Variants in ALDH1L1 observed in about 807,000 individuals in gnomAD.
ALDH1L1 encodes cytosolic 10-formyltetrahydrofolate dehydrogenase.
ALDH1L1 carries 68 observed loss-of-function variants against 101.1 expected under a neutral mutation model. The observed-to-expected ratio is 0.67, with a 90% CI of 0.55 to 0.82. ALDH1L1 has a LOEUF of 0.82. ALDH1L1 is among the 40% of genes least tolerant of loss of function. The probability of loss-of-function intolerance (pLI) is 0.00; values close to 1 mark genes in which losing one functional copy is unlikely to be tolerated. For synonymous variants in ALDH1L1, 486 were observed against 470.8 expected (o/e 1.03, Z -0.42); for missense variants, 1,087 against 1,172.7 (o/e 0.93, Z 1.07).
intron 16 of ALDH1L1, among the ~76,000 whole-genome samples, chr3:126,121,184 G>T (rs1200385429): frequency 3.9e-5 from 6 of 152,210 alleles, no homozygotes; most frequent in Admixed American, 3.9e-4. Context: ...AGGAGGCAAA[G>T]AATTAGTCTT....
intron 1 of ALDH1L1, 102 bp downstream of exon 1, chr3:126,180,374 C>A: frequency 3.4e-6 from 3 of 883,762 alleles, no homozygotes; most frequent in Non-Finnish European, 4.1e-6. Flanking sequence ...CGGTGAGAAC[C>A]GAGTCCTGGA....
intron 1 of ALDH1L1, among the ~76,000 whole-genome samples, chr3:126,164,252 G>T (rs376425867): frequency 6.6e-6 from 1 of 152,184 alleles, no homozygotes; most frequent in Non-Finnish European, 1.5e-5. Context: ...TCAGGTTTTG[G>T]TGTAGCTTTC....
intron 7 of ALDH1L1, chr3:126,151,599 A>G (rs1364343207): frequency 4.6e-5 from 7 of 152,236 alleles, no homozygotes; most frequent in Admixed American, 6.5e-5. Flanking sequence ...GTACAAAAAG[A>G]GTTATGGATA....
Position 126,157,404 on chromosome 3 carries a change from G to C in ALDH1L1, c.467C>G (p.Pro156Arg). 6.2e-7 allele frequency: 1 copy of C among 1,614,058 alleles called. No homozygotes were observed. ...LLLQKECEVLPDDTVSTLYNR... is the reference protein window; with the variant it reads ...LLLQKECEVLRDDTVSTLYNR... ...GTACAGCGTGCTCACGGTGTCGTCC[G>C]GGAGCACCTCACACTCCTTCTGCAG... is the stretch of plus-strand genomic sequence containing the variant. The change falls in exon 4 of 23, where the codon CCG (proline) becomes CGG (arginine). Residue 156 changes from proline to arginine, a missense_variant. Pro to Arg is a moderately radical substitution (Grantham distance 103). This residue lies in a region of ALDH1L1 where 645 missense variants were observed against 637.0 expected (regional missense o/e 1.01). Transcript: ENST00000393434.
At chr3:126,193,638 T>C (rs181201041) in intron 1 of ALDH1L1, among the ~76,000 whole-genome samples, 5 of 152,308 alleles carry the variant, frequency 3.3e-5, no homozygotes, top group Admixed American at 3.3e-4. Context: ...GCCATCCTGG[T>C]TCTCCATGAG....
At chr3:126,112,638 G>C (rs755396674) in intron 19 of ALDH1L1, 144 bp downstream of exon 19, 73 of 711,550 alleles carry the variant, frequency 1.0e-4, no homozygotes, top group Non-Finnish European at 1.6e-4. Context: ...CCCGCTGTGG[G>C]TTCCCTGACC....
intron 14 of ALDH1L1, among the ~76,000 whole-genome samples, chr3:126,126,671 C>T (rs776900452): frequency 8.5e-5 from 13 of 152,128 alleles, no homozygotes; most frequent in Non-Finnish European, 4.4e-5. Context: ...TTACAGTGAA[C>T]GGGGCTGAGG....
intron 18 of ALDH1L1, 67 bp downstream of exon 18, chr3:126,114,490 G>A (rs1016214874): frequency 1.6e-6 from 2 of 1,282,210 alleles, no homozygotes; most frequent in African/African-American, 1.5e-5. Context: ...TCAGAGACAG[G>A]GCCTCCTGGT....
At chr3:126,159,897 G>A (rs1356876267) in intron 2 of ALDH1L1, among the ~76,000 whole-genome samples, 2 of 152,184 alleles carry the variant, frequency 1.3e-5, no homozygotes, top group African/African-American at 4.8e-5. Context: ...GAGGGAGACT[G>A]GCTTTCCTTA....
At position 126,112,849 on chromosome 3, in the gene ALDH1L1, T is replaced by G; in HGVS notation, c.2114A>C (p.Glu705Ala). 6.2e-7 allele frequency: 1 copy of G among 1,613,600 alleles called. No homozygotes were observed. The highest frequency in any genetic ancestry group is 8.5e-7 in the Non-Finnish European group (1 of 1,180,018). Residue 705 changes from glutamate (E) to alanine (A), a missense_variant, in exon 19 of 23, where the codon GAG becomes GCG. Physicochemically the swap from Glu to Ala is moderately radical, Grantham distance 107. Transcript: ENST00000393434. ...GMSSVFFNKG[E>A]NCIAAGRLFV... ...GAGTCGGCCTGCTGCAATGCAATTCTCTCCTTTGTTGAAGAAAACAGAACT... is the reference window on the plus strand; with the variant it reads ...GAGTCGGCCTGCTGCAATGCAATTCGCTCCTTTGTTGAAGAAAACAGAACT...
At chr3:126,168,254 AAAAT>A (rs1423347470) in intron 1 of ALDH1L1, among the ~76,000 whole-genome samples, 5 of 152,142 alleles carry the variant, frequency 3.3e-5, no homozygotes, top group African/African-American at 9.6e-5. Context: ...ATTAAACACT[AAAAT>A]AAAAGCACCA....
At chr3:126,187,730 C>T (rs367797868) in intron 1 of ALDH1L1, among the ~76,000 whole-genome samples, 3 of 151,814 alleles carry the variant, frequency 2.0e-5, no homozygotes, top group South Asian at 2.1e-4. Flanking sequence ...CTGAGCTGGA[C>T]GAGGAAAATG....
chr3:126,157,923 T>C (rs1303831516), intron 3 of ALDH1L1, among the ~76,000 whole-genome samples: 1 of 152,184 alleles, frequency 6.6e-6, no homozygotes, highest in Admixed American at 6.5e-5. Context: ...CCCCATTTGT[T>C]GTCTTGGGAA....
rs141642337 is a variant in ALDH1L1 at position 126,153,578 on chromosome 3, G to A, written c.724C>T (p.Leu242=). The A allele has an allele frequency of 1.9e-6, 3 of 1,611,488 alleles. No individual in the cohort carries two copies. Among genetic ancestry groups the A allele is most frequent in the Admixed American group, 1.7e-5 (1 of 59,816 alleles). Residue 242 remains leucine, a synonymous_variant, in exon 7 of 23, where the codon CTG becomes TTG. Transcript: ENST00000393434. ...GAWTEACEQK[L]TFFNSTLNTS... ...TTCAGCGTTGAGTTGAAAAATGTCA[G>A]TTTCTGTCAAGGGGAGAAATATCAG...
intron 9 of ALDH1L1, among the ~76,000 whole-genome samples, chr3:126,139,729 C>A (rs1228882539): frequency 6.6e-6 from 1 of 152,056 alleles, no homozygotes; most frequent in Non-Finnish European, 1.5e-5. Context: ...ACTATAATAA[C>A]AAGTCAAATA....
rs2080787424 is a variant in ALDH1L1 at position 126,150,500 on chromosome 3, C to T, written c.890G>A (p.Gly297Asp). The T allele has an allele frequency of 6.4e-7, 1 of 1,551,476 alleles. No homozygotes were observed. The highest frequency in any genetic ancestry group is 8.7e-7 in the Non-Finnish European group (1 of 1,146,870). ...GAAGTTCGAGGCCAGGATCATTTTG[C>T]CATCCTCCAGCTGAATATTCTTCAC... ...LLVKNIQLED[G>D]KMILASNFFK... Residue 297 changes from glycine to aspartate, a missense_variant, in exon 8 of 23, where the codon GGC becomes GAC. Gly to Asp is a moderately conservative substitution (Grantham distance 94). This residue lies in a region of ALDH1L1 where 645 missense variants were observed against 637.0 expected (regional missense o/e 1.01). Coordinates refer to ENST00000393434, the MANE Select transcript of ALDH1L1 (RefSeq NM_012190.4).
At chr3:126,157,265 G>A in intron 4 of ALDH1L1, 78 bp downstream of exon 4, 1 of 1,485,602 alleles carries the variant, frequency 6.7e-7, no homozygotes, top group Non-Finnish European at 9.0e-7. Flanking sequence ...TGGCCTCCAG[G>A]AGCGGTGGGC....
intron 16 of ALDH1L1, among the ~76,000 whole-genome samples, chr3:126,119,837 C>T (rs1035670596): frequency 6.6e-5 from 10 of 152,218 alleles, no homozygotes; most frequent in Non-Finnish European, 1.5e-4. Flanking sequence ...AGACACATCA[C>T]CAAAGAAGAC....
intron 16 of ALDH1L1, among the ~76,000 whole-genome samples, chr3:126,124,024 T>C (rs2080129713): frequency 6.6e-6 from 1 of 152,168 alleles, no homozygotes; most frequent in Admixed American, 6.5e-5. Context: ...CTAAATGCTT[T>C]AAGCCTGAAA....
Sources: allele counts gnomAD v4.1 joint callset (sites outside exome capture counted in the v4.1 genomes callset), GRCh38; gene constraint gnomAD v4.1.1; regional missense constraint gnomAD v4.1.1; transcripts MANE v1.5; gene names NCBI Gene and HGNC (gene_info 2026-07-23, HGNC 2026-07-21).